Variants in TTC23 observed in about 807,000 individuals in gnomAD.
TTC23 encodes the protein tetratricopeptide repeat protein 23.
In TTC23, 58 loss-of-function variants were observed where a neutral mutation model predicts 55.1. The observed-to-expected ratio is 1.05, with a 90% CI of 0.85 to 1.31. The LOEUF is 1.31. TTC23 is among the 50% of genes most tolerant of loss of function. The pLI is 0.00. For missense variants in TTC23, 516 were observed against 534.4 expected, an observed-to-expected ratio of 0.97 and a Z score of 0.34; for synonymous variants, 203 against 199.9, an observed-to-expected ratio of 1.02 and a Z score of -0.13.
chr15:99,207,349 A>G (rs1025238278), intron 8 of TTC23, among the ~76,000 whole-genome samples: 2 of 152,264 alleles, frequency 1.3e-5, no homozygotes, highest in African/African-American at 4.8e-5. Flanking sequence ...AAATGCAAAT[A>G]GCTCAATAGC....
At chr15:99,139,443 C>T in intron 12 of TTC23, 44 bp from the exon 13 acceptor site, 1 of 1,613,218 alleles carries the variant, frequency 6.2e-7, no homozygotes, top group Non-Finnish European at 8.5e-7. Flanking sequence ...GGAAGTGTCG[C>T]TGAGAGCAGG....
chr15:99,200,842 G>C (rs2076142075), intron 8 of TTC23, among the ~76,000 whole-genome samples: 1 of 152,220 alleles, frequency 6.6e-6, no homozygotes, highest in African/African-American at 2.4e-5. Flanking sequence ...ACAGGAGACT[G>C]TGCAAGCAGG....
intron 10 of TTC23, among the ~76,000 whole-genome samples, chr15:99,168,324 C>T (rs1220584537): frequency 2.0e-5 from 3 of 152,134 alleles, no homozygotes; most frequent in Admixed American, 1.3e-4. Context: ...AGGGCCTGGT[C>T]GCCATTGGGA....
chr15:99,177,122 TGACTCTA>T, intron 9 of TTC23, among the ~76,000 whole-genome samples: 1 of 152,352 alleles, frequency 6.6e-6, no homozygotes, highest in Admixed American at 6.5e-5. Flanking sequence ...ATAGAATCTT[TGACTCTA>T]GACTGTCACC....
At chr15:99,156,059 A>T in intron 12 of TTC23, 89 bp downstream of exon 12, 2 of 1,561,014 alleles carry the variant, frequency 1.3e-6, no homozygotes, top group Non-Finnish European at 1.7e-6. Context: ...CTAAAGTTTC[A>T]TTTAAAAGAA....
chr15:99,199,851 G>T, intron 9 of TTC23, 68 bp downstream of exon 9: 1 of 1,455,724 alleles, frequency 6.9e-7, no homozygotes, highest in Non-Finnish European at 9.2e-7. Flanking sequence ...CAGAGCTGCT[G>T]TGCCACTTGT....
rs1007487153 is a variant in TTC23, at chr15:99,243,710, A to G, written c.-309+1679T>C. On this transcript the variant is annotated intron_variant, in intron 2 of 13. Coordinates refer to ENST00000394132, the MANE Select transcript of TTC23 (RefSeq NM_001288615.3). Reference sequence around the variant, plus strand: ...GAAGGATATTATACTAAGAGAAATTAACCAGGCAGAGAGAGACAAATTTTG... The same window carrying G: ...GAAGGATATTATACTAAGAGAAATTGACCAGGCAGAGAGAGACAAATTTTG... Among the ~76,000 whole-genome samples, 17 of 152,342 alleles carry G rather than the reference A, an allele frequency of 1.1e-4. No homozygotes were observed. The South Asian group carries it at 3.1e-3, about 28-fold the overall frequency.
chr15:99,243,669 C>G (rs936888831), intron 2 of TTC23, among the ~76,000 whole-genome samples: 3 of 152,130 alleles, frequency 2.0e-5, no homozygotes, highest in African/African-American at 7.2e-5. Flanking sequence ...TCATTTACAG[C>G]AACATGGATG....
chr15:99,221,173 T>C (rs1482601875), intron 6 of TTC23, among the ~76,000 whole-genome samples: 5 of 152,130 alleles, frequency 3.3e-5, no homozygotes, highest in South Asian at 2.1e-4. Flanking sequence ...GGGCAAAACC[T>C]GGCAAAGAAT....
intron 8 of TTC23, among the ~76,000 whole-genome samples, chr15:99,207,586 G>A (rs1410927779): frequency 6.6e-6 from 1 of 152,110 alleles, no homozygotes; most frequent in African/African-American, 2.4e-5. Context: ...GTGAAACCCC[G>A]TCTCTACTAA....
intron 10 of TTC23, among the ~76,000 whole-genome samples, chr15:99,172,155 C>T (rs2073032571): frequency 6.6e-6 from 1 of 151,932 alleles, no homozygotes. Context: ...GTAGCTGGGA[C>T]TACAGGCGCG....
intron 10 of TTC23, among the ~76,000 whole-genome samples, chr15:99,169,540 C>A (rs1393978087): frequency 6.6e-6 from 1 of 152,144 alleles, no homozygotes; most frequent in Admixed American, 6.5e-5. Flanking sequence ...GATTTCTGGT[C>A]TCTCTGGAAC....
At chr15:99,204,391 G>C (rs915670426) in intron 8 of TTC23, among the ~76,000 whole-genome samples, 8 of 152,030 alleles carry the variant, frequency 5.3e-5, no homozygotes, top group Non-Finnish European at 1.2e-4. Context: ...TTAATCCCTC[G>C]ACAGATGGGT....
intron 10 of TTC23, among the ~76,000 whole-genome samples, chr15:99,170,009 C>A (rs975803104): frequency 2.0e-5 from 3 of 152,288 alleles, no homozygotes; most frequent in Admixed American, 6.5e-5. Flanking sequence ...GGCTTTGAAC[C>A]ATTTCATTTT....
At chr15:99,201,885 C>G (rs1002382199) in intron 8 of TTC23, among the ~76,000 whole-genome samples, 11 of 152,100 alleles carry the variant, frequency 7.2e-5, no homozygotes, top group African/African-American at 2.4e-4. Context: ...GATAGAAAGT[C>G]TCAGAAACAT....
At chr15:99,203,357 T>C (rs749217825) in intron 8 of TTC23, among the ~76,000 whole-genome samples, 3 of 152,064 alleles carry the variant, frequency 2.0e-5, no homozygotes, top group Non-Finnish European at 4.4e-5. Context: ...TACATAATAA[T>C]TGTATATATG....
At chr15:99,169,071 T>C (rs901446015) in intron 10 of TTC23, among the ~76,000 whole-genome samples, 11 of 152,236 alleles carry the variant, frequency 7.2e-5, no homozygotes, top group African/African-American at 2.4e-4. Flanking sequence ...ATGGGGCATC[T>C]CTTTCCTTCT....
intron 12 of TTC23, chr15:99,139,820 T>TG (rs2068019658): frequency 8.8e-7 from 1 of 1,139,304 alleles, no homozygotes; most frequent in African/African-American, 1.6e-5. Context: ...ATAGGCTGTC[T>TG]ATACTCTTGA....
At chr15:99,174,515 T>C (rs935552755) in intron 10 of TTC23, among the ~76,000 whole-genome samples, 12 of 151,154 alleles carry the variant, frequency 7.9e-5, no homozygotes, top group South Asian at 6.2e-4. Context: ...CGGAGGCACA[T>C]TGTATGCTCT....
Sources: gnomAD v4.1 joint callset for allele counts (sites outside exome capture counted in the v4.1 genomes callset) on GRCh38, gnomAD v4.1.1 for gene constraint, MANE v1.5 for transcripts, NCBI Gene and HGNC (gene_info 2026-07-23, HGNC 2026-07-21) for gene names.